The following SYN3 variants were observed in gnomAD, a reference collection of about 807,000 sequenced individuals.
SYN3 encodes the protein synapsin-3.
Under a neutral mutation model 65.8 loss-of-function variants are expected in SYN3, and 35 were observed. That is an observed-to-expected ratio of 0.53 (90% CI 0.41 to 0.70). The LOEUF is 0.70. Ranked by LOEUF, SYN3 falls within the 30% of genes least tolerant of loss-of-function variation. The pLI is 0.00. For missense variants in SYN3, 680 were observed against 749.0 expected (o/e 0.91, Z 1.08); for synonymous variants, 270 against 292.9 (o/e 0.92, Z 0.80).
intron 6 of SYN3, among the ~76,000 whole-genome samples, chr22:32,604,200 G>T (rs1569082601): frequency 6.6e-6 from 1 of 152,200 alleles, no homozygotes; most frequent in African/African-American, 2.4e-5. Context: ...CTACGTAAGC[G>T]ATGGGAAAAT....
At chr22:32,737,561 A>T (rs5998602) in intron 6 of SYN3, among the ~76,000 whole-genome samples, 150 of 151,594 alleles carry the variant, frequency 9.9e-4, no homozygotes, top group African/African-American at 3.5e-3. Flanking sequence ...TGAGAACATG[A>T]GGTGCTTGGT....
At chr22:32,698,506 A>G (rs2060768091) in intron 6 of SYN3, among the ~76,000 whole-genome samples, 3 of 152,232 alleles carry the variant, frequency 2.0e-5, no homozygotes, top group Admixed American at 2.0e-4. Context: ...CACATTCCAA[A>G]CCCAAAAATG....
At chr22:32,795,681 T>C (rs1472370471) in intron 6 of SYN3, among the ~76,000 whole-genome samples, 3 of 151,698 alleles carry the variant, frequency 2.0e-5, no homozygotes, top group African/African-American at 4.8e-5. Context: ...GGACAGAAAA[T>C]TGGGAAACAG....
chr22:32,717,702 A>T (rs3827339), intron 6 of SYN3, among the ~76,000 whole-genome samples: 4 of 151,932 alleles, frequency 2.6e-5, no homozygotes, highest in Admixed American at 6.5e-5. Context: ...GCTGAGCTGA[A>T]TCCAGCTCTC....
intron 6 of SYN3, among the ~76,000 whole-genome samples, chr22:32,744,281 T>C (rs929537909): frequency 1.3e-5 from 2 of 152,138 alleles, no homozygotes; most frequent in African/African-American, 4.8e-5. Context: ...ACCTAGATGA[T>C]TCCAGAAATT....
intron 5 of SYN3, 73 bp from the exon 6 acceptor site, chr22:32,865,077 G>C: frequency 8.1e-7 from 1 of 1,236,128 alleles, no homozygotes; most frequent in Non-Finnish European, 1.2e-6. Context: ...CTTGATCTGA[G>C]GCCTCAAGCA....
At chr22:32,604,932 G>A (rs1171584451) in intron 6 of SYN3, among the ~76,000 whole-genome samples, 1 of 151,348 alleles carries the variant, frequency 6.6e-6, no homozygotes, top group African/African-American at 2.4e-5. Flanking sequence ...TGTGAACCCG[G>A]GAGGTGGAGC....
chr22:33,000,688 A>C (rs1217251838), intron 2 of SYN3, among the ~76,000 whole-genome samples: 1 of 152,182 alleles, frequency 6.6e-6, no homozygotes, highest in Non-Finnish European at 1.5e-5. Flanking sequence ...GTCTGTCCAG[A>C]CTGCAGCTCC....
intron 6 of SYN3, among the ~76,000 whole-genome samples, chr22:32,702,587 T>C (rs2060824486): frequency 6.6e-6 from 1 of 152,228 alleles, no homozygotes; most frequent in African/African-American, 2.4e-5. Flanking sequence ...TCTTTTCGTG[T>C]TACAAAAGAT....
At chr22:33,050,097 C>G (rs1364364629) in intron 1 of SYN3, among the ~76,000 whole-genome samples, 1 of 152,034 alleles carries the variant, frequency 6.6e-6, no homozygotes, top group African/African-American at 2.4e-5. Context: ...GACAGGGAGT[C>G]TTTGTGTCCA....
chr22:33,029,707 G>A (rs575539634), intron 1 of SYN3, among the ~76,000 whole-genome samples: 1 of 152,162 alleles, frequency 6.6e-6, no homozygotes, highest in South Asian at 2.1e-4. Flanking sequence ...TGGCTCTGGT[G>A]GTCACAGTCC....
Position 32,998,528 on chromosome 22 carries a change from G to A in SYN3, c.311+7824C>T, listed in dbSNP as rs899981954. Among the ~76,000 whole-genome samples the A allele has an allele frequency of 4.6e-5, 7 of 152,216 alleles. No individual in the cohort carries two copies. The East Asian group carries it at 1.2e-3, about 25-fold the overall frequency. Reference sequence around the variant, plus strand: ...GAAAAAGGCTACCAGCAGAGTAAGAGGACAGGAGAGCCAGGGCTCCAGAGG... The same window carrying A: ...GAAAAAGGCTACCAGCAGAGTAAGAAGACAGGAGAGCCAGGGCTCCAGAGG... On this transcript the variant is annotated intron_variant, in intron 2 of 13. Transcript: ENST00000358763.
intron 7 of SYN3, among the ~76,000 whole-genome samples, chr22:32,544,621 G>A (rs144041408): frequency 6.6e-6 from 1 of 152,318 alleles, no homozygotes; most frequent in African/African-American, 2.4e-5. Flanking sequence ...TGTTTTCCCA[G>A]TTCTCACCCT....
At chr22:32,973,557 T>C (rs1387890378) in intron 3 of SYN3, among the ~76,000 whole-genome samples, 5 of 152,214 alleles carry the variant, frequency 3.3e-5, no homozygotes, top group Non-Finnish European at 7.3e-5. Context: ...AAAAAAGGCA[T>C]GGCCCATTCC....
chr22:33,007,705 C>T (rs2053231677), intron 1 of SYN3, among the ~76,000 whole-genome samples: 1 of 152,212 alleles, frequency 6.6e-6, no homozygotes, highest in Admixed American at 6.5e-5. Context: ...CCTTGGACTT[C>T]CCAGCCTCCA....
intron 3 of SYN3, among the ~76,000 whole-genome samples, chr22:32,969,527 C>A (rs1334814386): frequency 7.2e-5 from 11 of 152,126 alleles, no homozygotes; most frequent in Admixed American, 4.6e-4. Context: ...TCAGAAGGGA[C>A]TAATGGCTTC....
At chr22:32,813,800 C>T (rs2046981401) in intron 6 of SYN3, among the ~76,000 whole-genome samples, 1 of 152,080 alleles carries the variant, frequency 6.6e-6, no homozygotes, top group Non-Finnish European at 1.5e-5. Context: ...AAGTTAATTC[C>T]CTGGTCTCAT....
At chr22:32,652,216 T>G (rs1466944139) in intron 6 of SYN3, among the ~76,000 whole-genome samples, 2 of 152,056 alleles carry the variant, frequency 1.3e-5, no homozygotes, top group African/African-American at 2.4e-5. Flanking sequence ...CCCACCAAAA[T>G]GCACACACTC....
chr22:32,620,562 G>A (rs558681634), intron 6 of SYN3, among the ~76,000 whole-genome samples: 1 of 152,274 alleles, frequency 6.6e-6, no homozygotes, highest in South Asian at 2.1e-4. Flanking sequence ...GCATATACCT[G>A]GTTTCAGTGG....
Sources: gnomAD v4.1 joint callset for allele counts (sites outside exome capture counted in the v4.1 genomes callset) on GRCh38, gnomAD v4.1.1 for gene constraint, MANE v1.5 for transcripts, NCBI Gene and HGNC (gene_info 2026-07-23, HGNC 2026-07-21) for gene names.